The following ZNF407 variants were observed in gnomAD, a reference collection of about 807,000 sequenced individuals.
ZNF407 encodes zinc finger protein 407.
ZNF407 carries 17 observed loss-of-function variants against 131.2 expected under a neutral mutation model. The ratio of observed to expected loss-of-function variants is 0.13; its 90% CI spans 0.09 to 0.19. The LOEUF (loss-of-function observed/expected upper bound fraction) is 0.19, where lower values mean the gene tolerates loss of function less well. Ranked by LOEUF, ZNF407 falls within the 10% of genes least tolerant of loss-of-function variation. The pLI is 1.00. For missense variants in ZNF407, 2,681 were observed against 2,830.6 expected (o/e 0.95, Z 1.20); for synonymous variants, 1,156 against 1,062.0 (o/e 1.09, Z -1.72).
At chr18:74,912,163 G>A (rs752473759) in intron 7 of ZNF407, among the ~76,000 whole-genome samples, 29 of 152,146 alleles carry the variant, frequency 1.9e-4, no homozygotes, top group Non-Finnish European at 3.7e-4. Flanking sequence ...GCTCTCTGCT[G>A]TTTGGTTTAT....
rs563028975 is a variant in ZNF407 at position 74,734,169 on chromosome 18, A to C, written c.4803-47259A>C. Among the ~76,000 whole-genome samples, 280 of 152,232 alleles carry C rather than the reference A, an allele frequency of 1.8e-3. 4 individuals carry two copies. Among genetic ancestry groups the C allele is most frequent in the African/African-American group, 6.6e-3 (273 of 41,542 alleles). On this transcript the variant is annotated intron_variant, in intron 3 of 8. Coordinates refer to ENST00000299687, the MANE Select transcript of ZNF407 (RefSeq NM_017757.3). ...GAGGCAACTGGTTCCAGCAGTATGC[A>C]GAAGGAAACCAGTAAATCCTCAATG...
chr18:75,064,135 C>T lies in ZNF407; in HGVS notation c.6414C>T (p.Ser2138=), dbSNP rs367785014. 64 of 1,600,784 alleles carry T rather than the reference C, an allele frequency of 4.0e-5. 1 individual carries two copies. The African/African-American group carries it at 5.4e-4, about 13-fold the overall frequency. Residue 2138 remains serine, a synonymous_variant, in exon 9 of 9, where the codon TCC becomes TCT. Transcript: ENST00000299687. ...AQGEHMDLVE[S]DGEISQIIVT... is the part of the protein sequence containing the mutation. ...GCGAGCACATGGATCTGGTGGAGTC[C>T]GACGGGGAGATCTCGCAGATCATCG...
At chr18:74,693,604 G>T (rs1281200699) in intron 3 of ZNF407, among the ~76,000 whole-genome samples, 1 of 152,014 alleles carries the variant, frequency 6.6e-6, no homozygotes, top group Non-Finnish European at 1.5e-5. Context: ...ATGAGAAGTC[G>T]TTTTGTTCCT....
intron 3 of ZNF407, among the ~76,000 whole-genome samples, chr18:74,686,368 C>A (rs1047356651): frequency 1.3e-5 from 2 of 152,198 alleles, no homozygotes. Context: ...CCCATAACTC[C>A]TGGTGCTCCT....
At chr18:74,973,155 T>TAC (rs1460539593) in intron 8 of ZNF407, among the ~76,000 whole-genome samples, 2 of 152,102 alleles carry the variant, frequency 1.3e-5, no homozygotes, top group African/African-American at 4.8e-5. Flanking sequence ...TGTGTGTGTA[T>TAC]AAACATTATA....
chr18:74,852,024 G>A (rs1250818077), intron 4 of ZNF407, among the ~76,000 whole-genome samples: 1 of 152,178 alleles, frequency 6.6e-6, no homozygotes, highest in Non-Finnish European at 1.5e-5. Context: ...GGGTCATAGA[G>A]GCATCTCCTG....
chr18:74,689,988 C>T (rs1258958769), intron 3 of ZNF407, among the ~76,000 whole-genome samples: 1 of 152,072 alleles, frequency 6.6e-6, no homozygotes, highest in Non-Finnish European at 1.5e-5. Flanking sequence ...TGGAAACAGA[C>T]ACCAAAAGGA....
intron 8 of ZNF407, among the ~76,000 whole-genome samples, chr18:75,044,658 A>G (rs913254215): frequency 6.6e-6 from 1 of 152,226 alleles, no homozygotes; most frequent in Admixed American, 6.5e-5. Flanking sequence ...TGTTGTGATC[A>G]TGAGGTTTCC....
intron 8 of ZNF407, among the ~76,000 whole-genome samples, chr18:74,997,700 TTTC>T (rs1325923190): frequency 6.6e-6 from 1 of 152,070 alleles, no homozygotes; most frequent in Admixed American, 6.5e-5. Context: ...CTGTGGCCAT[TTTC>T]TTCTCCTATA....
intron 4 of ZNF407, among the ~76,000 whole-genome samples, chr18:74,837,375 G>A (rs1281757130): frequency 6.6e-6 from 1 of 151,470 alleles, no homozygotes; most frequent in Non-Finnish European, 1.5e-5. Context: ...CAAATTACTT[G>A]GAGAAAGATC....
chr18:74,718,632 G>A (rs1449719008), intron 3 of ZNF407, among the ~76,000 whole-genome samples: 1 of 152,082 alleles, frequency 6.6e-6, no homozygotes, highest in Non-Finnish European at 1.5e-5. Flanking sequence ...AAATAGCTGG[G>A]ACTCTAGCTG....
At chr18:74,970,929 A>G (rs749117573) in intron 8 of ZNF407, among the ~76,000 whole-genome samples, 3 of 152,252 alleles carry the variant, frequency 2.0e-5, no homozygotes, top group Non-Finnish European at 4.4e-5. Context: ...ACATGCAGGC[A>G]TTTCCATACA....
intron 8 of ZNF407, among the ~76,000 whole-genome samples, chr18:75,038,679 A>AT (rs1281111375): frequency 1.3e-5 from 2 of 152,232 alleles, no homozygotes; most frequent in Non-Finnish European, 2.9e-5. Flanking sequence ...AAGAAACAGA[A>AT]TGACACCACC....
chr18:74,656,266 T>C (rs1482854210), intron 3 of ZNF407, among the ~76,000 whole-genome samples: 1 of 152,294 alleles, frequency 6.6e-6, no homozygotes, highest in East Asian at 1.9e-4. Flanking sequence ...ATAACTGATT[T>C]ATTTTTCTAA....
intron 1 of ZNF407, among the ~76,000 whole-genome samples, chr18:74,621,772 G>C (rs1234056512): frequency 2.0e-5 from 3 of 152,206 alleles, no homozygotes; most frequent in Non-Finnish European, 4.4e-5. Context: ...TAAAGGGAAT[G>C]TCAAAAGAAC....
At position 74,909,671 on chromosome 18, in the gene ZNF407, G is replaced by A. The variant is rs541258124; in HGVS notation, c.5250-10843G>A. Among the ~76,000 whole-genome samples the A allele has an allele frequency of 3.9e-5, 6 of 152,030 alleles. No individual in the cohort carries two copies. In the South Asian group the frequency reaches 6.2e-4, roughly 16 times the overall value. ...CGGATCTCCTCACACTTGTACTTAC[G>A]GTTTTTCTTAACATCTTTTAGCATC... is the stretch of plus-strand genomic sequence containing the variant. On this transcript the variant is annotated intron_variant, in intron 7 of 8. Coordinates refer to ENST00000299687, the MANE Select transcript of ZNF407 (RefSeq NM_017757.3).
Position 75,063,761 on chromosome 18 carries a change from C to A in ZNF407, c.6040C>A (p.Pro2014Thr), listed in dbSNP as rs749835782. ...GRAGLEEQGR[P>T]GAKDVLIQLP... Reference sequence around the variant, plus strand: ...GGCTGGGCTCGAGGAGCAAGGCAGGCCCGGCGCCAAAGACGTGCTGATCCA... The same window carrying A: ...GGCTGGGCTCGAGGAGCAAGGCAGGACCGGCGCCAAAGACGTGCTGATCCA... The change falls in exon 9 of 9, where the codon CCC (proline) becomes ACC (threonine). Residue 2014 changes from proline to threonine, a missense_variant. Transcript: ENST00000299687. This position sits in a 1 kb window ranked among gnomAD's most constrained non-coding sequence, Gnocchi z 6.6. 6.2e-7 allele frequency: 1 copy of A among 1,611,320 alleles called. No individual in the cohort carries two copies. Among genetic ancestry groups the A allele is most frequent in the Non-Finnish European group, 8.5e-7 (1 of 1,179,792 alleles).
At chr18:74,893,225 C>A (rs974561083) in intron 7 of ZNF407, among the ~76,000 whole-genome samples, 1 of 152,072 alleles carries the variant, frequency 6.6e-6, no homozygotes, top group Non-Finnish European at 1.5e-5. Context: ...TGTTACTGTT[C>A]TATAAATAAA....
chr18:75,034,843 C>CT (rs1382134748), intron 8 of ZNF407, among the ~76,000 whole-genome samples: 1 of 152,144 alleles, frequency 6.6e-6, no homozygotes, highest in African/African-American at 2.4e-5. Flanking sequence ...CTGGGGGAAA[C>CT]TAAGTTGACA....
Sources: allele counts gnomAD v4.1 joint callset (sites outside exome capture counted in the v4.1 genomes callset), GRCh38; gene constraint gnomAD v4.1.1; non-coding constraint Gnocchi (gnomAD v3.1); transcripts MANE v1.5; gene names NCBI Gene and HGNC (gene_info 2026-07-23, HGNC 2026-07-21).